The following CNTNAP2 variants were observed in gnomAD, a reference collection of about 807,000 sequenced individuals.
CNTNAP2 encodes contactin associated protein 2, also known as contactin-associated protein-like 2.
Under a neutral mutation model 155.2 loss-of-function variants are expected in CNTNAP2, and 98 were observed. The ratio of observed to expected loss-of-function variants is 0.63; its 90% CI spans 0.54 to 0.75. CNTNAP2 has a LOEUF of 0.75. Among genes scored for constraint, CNTNAP2 ranks in the 30% least tolerant of loss-of-function variants. The pLI, the probability that CNTNAP2 is intolerant of heterozygous loss-of-function variation, is 0.00. For synonymous variants in CNTNAP2, 651 were observed against 631.2 expected, an observed-to-expected ratio of 1.03 and a Z score of -0.47; for missense variants, 1,727 against 1,688.1, an observed-to-expected ratio of 1.02 and a Z score of -0.40.
intron 8 of CNTNAP2, among the ~76,000 whole-genome samples, chr7:147,298,813 TA>T (rs1794887762): frequency 6.6e-6 from 1 of 152,252 alleles, no homozygotes; most frequent in South Asian, 2.1e-4. Flanking sequence ...CACATGTCAC[TA>T]AACATTATTC....
At chr7:148,400,341 G>T (rs1799555627) in intron 22 of CNTNAP2, among the ~76,000 whole-genome samples, 1 of 152,154 alleles carries the variant, frequency 6.6e-6, no homozygotes, top group Admixed American at 6.5e-5. Context: ...GGTTTAAATG[G>T]CACTTCCCGA....
intron 12 of CNTNAP2, among the ~76,000 whole-genome samples, chr7:147,601,636 T>TTA (rs1800945713): frequency 1.4e-5 from 1 of 69,252 alleles, no homozygotes; most frequent in Non-Finnish European, 2.7e-5. Context: ...CATTGACTCT[T>TTA]AAAAAAAAAT....
At chr7:147,193,532 T>G (rs1434798415) in intron 8 of CNTNAP2, among the ~76,000 whole-genome samples, 1 of 152,148 alleles carries the variant, frequency 6.6e-6, no homozygotes, top group East Asian at 1.9e-4. Context: ...CTAAACTATT[T>G]AAGTAGATTT....
At chr7:146,967,288 A>G (rs1221523143) in intron 3 of CNTNAP2, among the ~76,000 whole-genome samples, 1 of 152,190 alleles carries the variant, frequency 6.6e-6, no homozygotes, top group Non-Finnish European at 1.5e-5. Context: ...TAACCTATAT[A>G]TTTCCTTTCA....
intron 9 of CNTNAP2, among the ~76,000 whole-genome samples, chr7:147,371,258 T>C (rs139693009): frequency 6.6e-6 from 1 of 152,256 alleles, no homozygotes; most frequent in African/African-American, 2.4e-5. Flanking sequence ...TCTACTTTTG[T>C]ATATTTTTGT....
intron 4 of CNTNAP2, among the ~76,000 whole-genome samples, chr7:147,098,847 C>G (rs1213484314): frequency 6.6e-6 from 1 of 152,164 alleles, no homozygotes; most frequent in Non-Finnish European, 1.5e-5. Flanking sequence ...CAGCATCACA[C>G]ATTTGTATAA....
At chr7:147,698,890 G>C (rs191673457) in intron 13 of CNTNAP2, among the ~76,000 whole-genome samples, 11 of 150,664 alleles carry the variant, frequency 7.3e-5, no homozygotes, top group Admixed American at 5.7e-4. Context: ...AAAATAATTA[G>C]AAAAAGTAAA....
chr7:147,937,782 T>A (rs912480929), intron 14 of CNTNAP2, among the ~76,000 whole-genome samples: 3 of 152,228 alleles, frequency 2.0e-5, no homozygotes, highest in African/African-American at 7.2e-5. Flanking sequence ...ATTAATGACT[T>A]CCTAGATTTT....
intron 11 of CNTNAP2, among the ~76,000 whole-genome samples, chr7:147,518,827 T>G (rs1198653363): frequency 6.6e-6 from 1 of 151,992 alleles, no homozygotes; most frequent in African/African-American, 2.4e-5. Context: ...GGTCAGGAGT[T>G]CTAGACCAGC....
At chr7:147,061,406 C>G (rs1584811953) in intron 4 of CNTNAP2, among the ~76,000 whole-genome samples, 3 of 152,188 alleles carry the variant, frequency 2.0e-5, no homozygotes, top group East Asian at 1.9e-4. Flanking sequence ...TTCAGATGCA[C>G]ATAAAAGTTC....
chr7:147,257,927 A>C (rs540802173), intron 8 of CNTNAP2, among the ~76,000 whole-genome samples: 91 of 152,350 alleles, frequency 6.0e-4, no homozygotes, highest in African/African-American at 2.1e-3. Flanking sequence ...ACAAAGTCTT[A>C]AGTACATAAT....
chr7:147,136,126 G>A (rs541353810), intron 8 of CNTNAP2, among the ~76,000 whole-genome samples: 10 of 151,460 alleles, frequency 6.6e-5, no homozygotes, highest in South Asian at 2.1e-4. Context: ...CTCAGTTGTC[G>A]TCTGCCAATA....
At chr7:147,148,318 A>G (rs1486399167) in intron 8 of CNTNAP2, among the ~76,000 whole-genome samples, 1 of 141,824 alleles carries the variant, frequency 7.1e-6, no homozygotes, top group African/African-American at 2.6e-5. Flanking sequence ...TGAACCCGGG[A>G]GGCGGAGCTT....
In CNTNAP2 at chr7:147,972,978, A is replaced by G. The variant is rs115524406; in HGVS notation, c.2256-4884A>G. On this transcript the variant is annotated intron_variant, in intron 14 of 23. Coordinates refer to ENST00000361727, the MANE Select transcript of CNTNAP2 (RefSeq NM_014141.6). ...CCACTCTGGGCACAAAAGCAAAAGC[A>G]AGACCTGTCTCTACAAAAAAAACAT... Among the ~76,000 whole-genome samples the G allele has an allele frequency of 7.0e-3, 1,071 of 152,010 alleles. 14 individuals carry two copies. The highest frequency in any genetic ancestry group is 0.025 in the African/African-American group (1,033 of 41,478).
rs554076242 is a variant in CNTNAP2, at chr7:147,618,606, CAT to C, written c.1898-20498_1898-20497del. Reference sequence around the variant, plus strand: ...TGAACTTCAGACTGTATATGAATAACATAGAAAAGAATCAGGAAACAGCTATA... The same window carrying C: ...TGAACTTCAGACTGTATATGAATAACAGAAAAGAATCAGGAAACAGCTATA... On this transcript the variant is annotated intron_variant, in intron 12 of 23. Coordinates refer to ENST00000361727, the MANE Select transcript of CNTNAP2 (RefSeq NM_014141.6). Among the ~76,000 whole-genome samples the C allele has an allele frequency of 3.6e-3, 527 of 148,016 alleles. 5 individuals are homozygous for C. The highest frequency in any genetic ancestry group is 0.012 in the African/African-American group (471 of 38,952).
rs183197690 is a variant in CNTNAP2 at position 146,461,661 on chromosome 7, C to T, written c.98-312610C>T. The stretch of plus-strand genomic sequence containing the variant: ...AAATCTAGTGAGGAGTAGAATCAGA[C>T]GTTGGTCCCTTACCTTTTGACTCCG... On this transcript the variant is annotated intron_variant, in intron 1 of 23. Transcript: ENST00000361727. 3.3e-5 allele frequency among the ~76,000 whole-genome samples: 5 copies of T among 152,190 alleles called. No homozygotes were observed. In the East Asian group the frequency reaches 7.7e-4, roughly 24 times the overall value.
intron 3 of CNTNAP2, among the ~76,000 whole-genome samples, chr7:146,967,688 A>C (rs1797685048): frequency 6.6e-6 from 1 of 152,214 alleles, no homozygotes; most frequent in South Asian, 2.1e-4. Flanking sequence ...GAAGTTGCTT[A>C]TCAGCTTAAG....
chr7:148,040,677 TATTC>T (rs1404360001), intron 15 of CNTNAP2, among the ~76,000 whole-genome samples: 1 of 152,260 alleles, frequency 6.6e-6, no homozygotes, highest in Non-Finnish European at 1.5e-5. Flanking sequence ...TTCATTTGTA[TATTC>T]ATTCAATCAA....
chr7:148,149,280 A>G (rs1372323248), intron 17 of CNTNAP2, among the ~76,000 whole-genome samples: 1 of 152,208 alleles, frequency 6.6e-6, no homozygotes, highest in African/African-American at 2.4e-5. Flanking sequence ...ATGGAAGAGT[A>G]TTTATTATGG....
Sources: gnomAD v4.1 joint callset for allele counts (sites outside exome capture counted in the v4.1 genomes callset) on GRCh38, gnomAD v4.1.1 for gene constraint, MANE v1.5 for transcripts, NCBI Gene and HGNC (gene_info 2026-07-23, HGNC 2026-07-21) for gene names.